The following SAMD12 variants were observed in gnomAD, a reference collection of about 807,000 sequenced individuals.
The protein encoded by SAMD12 is sterile alpha motif domain-containing protein 12.
In SAMD12, 9 loss-of-function variants were observed where a neutral mutation model predicts 15.0. That is an observed-to-expected ratio of 0.60 (90% CI 0.36 to 1.05). The LOEUF (loss-of-function observed/expected upper bound fraction) is 1.05. Among genes scored for constraint, SAMD12 ranks in the 50% least tolerant of loss-of-function variants. The pLI is 0.01. For synonymous variants in SAMD12, 86 were observed against 90.1 expected (o/e 0.96, Z 0.25); for missense variants, 230 against 234.2 (o/e 0.98, Z 0.12).
chr8:118,497,233 GA>G (rs1476281495), intron 2 of SAMD12, among the ~76,000 whole-genome samples: 1 of 152,088 alleles, frequency 6.6e-6, no homozygotes, highest in Non-Finnish European at 1.5e-5. Flanking sequence ...GTATCCAAAA[GA>G]ATATAAATCA....
the SAMD12 span, among the ~76,000 whole-genome samples, chr8:118,135,267 C>T: frequency 1.3e-5 from 2 of 151,260 alleles, no homozygotes; most frequent in East Asian, 2.0e-4. Context: ...CTGAAACCTC[C>T]GCCTCCCGGT....
chr8:118,315,879 G>T (rs1554629488), intron 4 of SAMD12, among the ~76,000 whole-genome samples: 1 of 152,054 alleles, frequency 6.6e-6, no homozygotes, highest in Non-Finnish European at 1.5e-5. Flanking sequence ...TTATTACCAG[G>T]TTTCCCCCTG....
intron 2 of SAMD12, among the ~76,000 whole-genome samples, chr8:118,574,409 G>T (rs187298585): frequency 3.0e-4 from 46 of 152,330 alleles, no homozygotes; most frequent in African/African-American, 1.1e-3. Flanking sequence ...CTGTTCATGT[G>T]TTAGATAAAC....
intron 4 of SAMD12, among the ~76,000 whole-genome samples, chr8:118,240,693 T>C (rs540425669): frequency 1.9e-4 from 29 of 152,164 alleles, no homozygotes; most frequent in Non-Finnish European, 3.7e-4. Context: ...TTGGCAAATA[T>C]TTAAAATACT....
chr8:118,305,889 C>A (rs1815324882), intron 4 of SAMD12, among the ~76,000 whole-genome samples: 1 of 152,136 alleles, frequency 6.6e-6, no homozygotes, highest in Admixed American at 6.6e-5. Context: ...GGCCGAGGGA[C>A]AGAAGAGGGA....
At chr8:118,408,487 A>C (rs1416383662) in intron 3 of SAMD12, among the ~76,000 whole-genome samples, 3 of 152,318 alleles carry the variant, frequency 2.0e-5, no homozygotes, top group Admixed American at 1.3e-4. Context: ...GGAGGTGGAC[A>C]GAATAGTCAA....
At chr8:118,477,498 G>A (rs968358982) in intron 2 of SAMD12, among the ~76,000 whole-genome samples, 5 of 152,156 alleles carry the variant, frequency 3.3e-5, no homozygotes. Context: ...ACACAACCCA[G>A]ATATATTTGG....
chr8:118,369,487 T>C (rs902714231), intron 4 of SAMD12, among the ~76,000 whole-genome samples: 2 of 152,042 alleles, frequency 1.3e-5, no homozygotes, highest in Non-Finnish European at 2.9e-5. Context: ...AAGCTGAGGC[T>C]GGTGGATTGC....
chr8:118,475,666 A>G (rs1823939475), intron 2 of SAMD12, among the ~76,000 whole-genome samples: 2 of 152,212 alleles, frequency 1.3e-5, no homozygotes, highest in Non-Finnish European at 2.9e-5. Flanking sequence ...GACTTAAATA[A>G]CATTTGTTGG....
intron 3 of SAMD12, among the ~76,000 whole-genome samples, chr8:118,430,245 A>G (rs1318602116): frequency 6.6e-6 from 1 of 152,216 alleles, no homozygotes; most frequent in Non-Finnish European, 1.5e-5. Flanking sequence ...TGGTAAATTT[A>G]TCAATTTCTA....
chr8:118,468,805 G>A (rs1024640193), intron 2 of SAMD12, among the ~76,000 whole-genome samples: 4 of 152,146 alleles, frequency 2.6e-5, no homozygotes, highest in Admixed American at 1.3e-4. Context: ...TCTTGTCACT[G>A]TGCAGAGAAG....
chr8:118,463,864 A>G (rs2130944667), intron 2 of SAMD12, among the ~76,000 whole-genome samples: 1 of 152,158 alleles, frequency 6.6e-6, no homozygotes, highest in African/African-American at 2.4e-5. Flanking sequence ...GTTTGGCAGG[A>G]GGAGGAGGGA....
chr8:118,465,202 C>T (rs1191316954), intron 2 of SAMD12, among the ~76,000 whole-genome samples: 7 of 152,064 alleles, frequency 4.6e-5, no homozygotes, highest in African/African-American at 1.7e-4. Context: ...AGGAGCTGAC[C>T]CAGGAGCAAT....
intron 4 of SAMD12, among the ~76,000 whole-genome samples, chr8:118,250,660 A>C (rs889186345): frequency 5.3e-5 from 8 of 151,848 alleles, no homozygotes; most frequent in African/African-American, 1.2e-4. Context: ...TGTCTGGCTA[A>C]ATTTTTTATT....
chr8:118,465,121 C>T (rs1181414579), intron 2 of SAMD12, among the ~76,000 whole-genome samples: 2 of 152,120 alleles, frequency 1.3e-5, no homozygotes, highest in African/African-American at 4.8e-5. Flanking sequence ...AGCAAATATA[C>T]CCCAATCTTA....
At position 118,211,179 on chromosome 8, in the gene SAMD12, G is replaced by A. The variant is rs72675848; in HGVS notation, c.434-13447C>T. ...AAGCCTTATCCCCCCATCTAGTTAC[G>A]GAAACTTCACGTGGGAAGGGATTGT... On this transcript the variant is annotated intron_variant, in intron 4 of 4. Coordinates refer to the SAMD12 transcript ENST00000409003. 1.7e-3 allele frequency among the ~76,000 whole-genome samples: 262 copies of A among 152,260 alleles called. 1 individual carries two copies. The highest frequency in any genetic ancestry group is 2.0e-3 in the Non-Finnish European group (134 of 68,020).
At chr8:118,465,180 A>G (rs1563876612) in intron 2 of SAMD12, among the ~76,000 whole-genome samples, 1 of 152,126 alleles carries the variant, frequency 6.6e-6, no homozygotes, top group Non-Finnish European at 1.5e-5. Context: ...AGGGTGGGGG[A>G]AGAGGGAAGG....
intron 4 of SAMD12, among the ~76,000 whole-genome samples, chr8:118,367,283 G>A (rs1462542149): frequency 3.9e-5 from 6 of 152,138 alleles, no homozygotes; most frequent in Non-Finnish European, 8.8e-5. Flanking sequence ...ACATCTCAGT[G>A]CATCTCTGAA....
intron 4 of SAMD12, among the ~76,000 whole-genome samples, chr8:118,305,530 T>C (rs1428459867): frequency 6.6e-6 from 1 of 152,224 alleles, no homozygotes; most frequent in Non-Finnish European, 1.5e-5. Context: ...CATTTGTCTG[T>C]TGATGGACAT....
Sources: allele counts gnomAD v4.1 joint callset (sites outside exome capture counted in the v4.1 genomes callset), GRCh38; gene constraint gnomAD v4.1.1; transcripts MANE v1.5; gene names NCBI Gene and HGNC (gene_info 2026-07-23, HGNC 2026-07-21).